The following KIF13B variants were observed in gnomAD, a reference collection of about 807,000 sequenced individuals.
The protein encoded by KIF13B is kinesin family member 13B.
KIF13B carries 127 observed loss-of-function variants against 222.0 expected under a neutral mutation model. That is an observed-to-expected ratio of 0.57 (90% CI 0.50 to 0.66). The LOEUF (loss-of-function observed/expected upper bound fraction) is 0.66. Among genes scored for constraint, KIF13B ranks in the 30% least tolerant of loss-of-function variants. The pLI, the probability that KIF13B is intolerant of heterozygous loss-of-function variation, is 0.00. For synonymous variants in KIF13B, 976 were observed against 919.0 expected, an observed-to-expected ratio of 1.06 and a Z score of -1.12; for missense variants, 2,173 against 2,379.0, an observed-to-expected ratio of 0.91 and a Z score of 1.80.
chr8:29,113,335 C>T, intron 32 of KIF13B, 128 bp downstream of exon 32: 3 of 545,364 alleles, frequency 5.5e-6, no homozygotes, highest in Non-Finnish European at 6.4e-6. Context: ...GAAAATTCCT[C>T]TAAAAATCTA....
At chr8:29,156,786 A>ACCCCTC (rs1353259473) in intron 13 of KIF13B, among the ~76,000 whole-genome samples, 2 of 151,414 alleles carry the variant, frequency 1.3e-5, no homozygotes, top group Non-Finnish European at 2.9e-5. Flanking sequence ...CTCCTGAAGT[A>ACCCCTC]CTGGGATGAC....
intron 2 of KIF13B, among the ~76,000 whole-genome samples, chr8:29,209,711 C>T (rs1485685318): frequency 6.6e-6 from 1 of 152,046 alleles, no homozygotes; most frequent in Admixed American, 6.6e-5. Flanking sequence ...GCATCAAGTA[C>T]ACTCTGAACT....
At chr8:29,247,968 T>C (rs953693792) in intron 1 of KIF13B, among the ~76,000 whole-genome samples, 1 of 151,930 alleles carries the variant, frequency 6.6e-6, no homozygotes, top group African/African-American at 2.4e-5. Flanking sequence ...TCATTCAACA[T>C]TGGAATGCAA....
At chr8:29,160,079 C>T (rs1192367955) in intron 13 of KIF13B, among the ~76,000 whole-genome samples, 1 of 152,228 alleles carries the variant, frequency 6.6e-6, no homozygotes. Context: ...CCATTCTGGG[C>T]ACTCCTCGAA....
chr8:29,104,976 T>C (rs987249984), intron 35 of KIF13B, among the ~76,000 whole-genome samples: 9 of 151,632 alleles, frequency 5.9e-5, no homozygotes, highest in African/African-American at 2.2e-4. Flanking sequence ...TTTTCCTTTT[T>C]TTTTTTGGAA....
chr8:29,112,661 G>A (rs555771379), intron 32 of KIF13B, among the ~76,000 whole-genome samples: 1 of 152,132 alleles, frequency 6.6e-6, no homozygotes, highest in South Asian at 2.1e-4. Flanking sequence ...CCTCTTTGAG[G>A]GTGAGGGTGG....
intron 2 of KIF13B, among the ~76,000 whole-genome samples, chr8:29,232,759 T>C (rs1815342403): frequency 1.3e-5 from 2 of 152,186 alleles, no homozygotes; most frequent in Non-Finnish European, 2.9e-5. Context: ...TCATAGATAC[T>C]TGTTTCTGCC....
At chr8:29,127,677 A>G (rs964944535) in intron 24 of KIF13B, among the ~76,000 whole-genome samples, 4 of 152,374 alleles carry the variant, frequency 2.6e-5, no homozygotes, top group Middle Eastern at 3.4e-3. Context: ...TACATTTACG[A>G]AACAATTTCA....
rs140346540 is a variant in KIF13B, at chr8:29,229,002, G to A, written c.149+16344C>T. On this transcript the variant is annotated intron_variant, in intron 2 of 39. Coordinates refer to ENST00000524189, the MANE Select transcript of KIF13B (RefSeq NM_015254.4). ...TCAACATCCTGATAAACACACAGAG[G>A]GCACTCTATGGTTGTTGAATGAATT... Among the ~76,000 whole-genome samples, 39 of 149,418 alleles carry A rather than the reference G, an allele frequency of 2.6e-4. 1 individual carries two copies. Among genetic ancestry groups the A allele is most frequent in the African/African-American group, 9.1e-4 (37 of 40,844 alleles).
chr8:29,263,070 T>C lies in KIF13B; in HGVS notation c.-36A>G, dbSNP rs565842122. Reference sequence around the variant, plus strand: ...CCGAGGAACTCGTTCGGCTTCCGTCTGCCGCGGCCACCGGCGACTCTTCGG... The same window carrying C: ...CCGAGGAACTCGTTCGGCTTCCGTCCGCCGCGGCCACCGGCGACTCTTCGG... On this transcript the variant is annotated 5_prime_UTR_variant, in exon 1 of 40. Transcript: ENST00000524189. The C allele has an allele frequency of 5.2e-5, 74 of 1,420,080 alleles. No homozygotes were observed. The African/African-American group carries it at 9.4e-4, about 18-fold the overall frequency. 88.0% of individuals were successfully genotyped at this position (1,420,080 alleles called of 1,614,324 possible). A position where few individuals can be genotyped will look rare whatever the true frequency, so the allele number is the denominator to read the frequency against.
intron 37 of KIF13B, among the ~76,000 whole-genome samples, chr8:29,084,071 C>T (rs1028034083): frequency 6.6e-5 from 10 of 152,152 alleles, no homozygotes; most frequent in Middle Eastern, 3.2e-3. Flanking sequence ...CCCACCACCA[C>T]GCCCAGCTAA....
At chr8:29,213,239 G>C (rs1291352946) in intron 2 of KIF13B, among the ~76,000 whole-genome samples, 2 of 152,192 alleles carry the variant, frequency 1.3e-5, no homozygotes, top group Non-Finnish European at 2.9e-5. Flanking sequence ...TTAGGAGCTA[G>C]GCAGACTTGA....
rs1162040366 is a variant in KIF13B, at chr8:29,151,654, TTGC to T, written c.1536-1274_1536-1272del. 3.3e-5 allele frequency among the ~76,000 whole-genome samples: 5 copies of T among 152,212 alleles called. No individual in the cohort carries two copies. In the East Asian group the frequency reaches 9.6e-4, roughly 29 times the overall value. The stretch of plus-strand genomic sequence containing the variant: ...ACAGTACGTCTGTTTACATCACAGT[TTGC>T]TGAATATTTTAAGCCCACTGTTGAG... On this transcript the variant is annotated intron_variant, in intron 14 of 39. Coordinates refer to ENST00000524189, the MANE Select transcript of KIF13B (RefSeq NM_015254.4).
At chr8:29,106,392 G>A (rs1041597546) in intron 35 of KIF13B, among the ~76,000 whole-genome samples, 1 of 152,200 alleles carries the variant, frequency 6.6e-6, no homozygotes, top group Non-Finnish European at 1.5e-5. Flanking sequence ...AGCACTTTGG[G>A]AGGCCAAGGC....
intron 37 of KIF13B, among the ~76,000 whole-genome samples, chr8:29,078,313 A>T (rs1235737518): frequency 1.1e-4 from 16 of 148,850 alleles, no homozygotes; most frequent in Admixed American, 1.1e-3. Context: ...AAAAAAAAAA[A>T]GAGAGAGGAT....
rs1217138232 is a variant in KIF13B at position 29,176,113 on chromosome 8, ATTC to A, written c.897_899del (p.Lys299del). 3 of 1,613,800 alleles carry A rather than the reference ATTC, an allele frequency of 1.9e-6. No individual in the cohort carries two copies. The highest frequency in any genetic ancestry group is 2.5e-6 in the Non-Finnish European group (3 of 1,179,778). ...CTGAGTCACGATATGGAACAAATTT[ATTC>A]TTGTTTTTGCCAGCACTCTGATCTG... On this transcript the variant is annotated inframe_deletion, in exon 10 of 40. Transcript: ENST00000524189.
chr8:29,261,230 G>A (rs1436937712), intron 1 of KIF13B, among the ~76,000 whole-genome samples: 2 of 152,184 alleles, frequency 1.3e-5, no homozygotes, highest in Non-Finnish European at 2.9e-5. Context: ...TTGAACCCAA[G>A]GATCAGCTCA....
chr8:29,087,082 G>A (rs1197140801), intron 37 of KIF13B, among the ~76,000 whole-genome samples: 1 of 152,226 alleles, frequency 6.6e-6, no homozygotes, highest in Non-Finnish European at 1.5e-5. Flanking sequence ...CTCTGCTTCA[G>A]GCTTACTTGA....
chr8:29,239,782 C>T (rs1815679787), intron 2 of KIF13B, among the ~76,000 whole-genome samples: 1 of 152,194 alleles, frequency 6.6e-6, no homozygotes, highest in Non-Finnish European at 1.5e-5. Flanking sequence ...CGTGCCTCAG[C>T]CTCTTGAGTA....
Sources: gnomAD v4.1 joint callset for allele counts (sites outside exome capture counted in the v4.1 genomes callset) on GRCh38, gnomAD v4.1.1 for gene constraint, MANE v1.5 for transcripts, NCBI Gene and HGNC (gene_info 2026-07-23, HGNC 2026-07-21) for gene names.